SLC9A2: variants seen among roughly 807,000 people sequenced by gnomAD.
SLC9A2 encodes sodium/hydrogen exchanger 2.
In SLC9A2, 42 loss-of-function variants were observed where a neutral mutation model predicts 71.7. The ratio of observed to expected loss-of-function variants is 0.59; its 90% CI spans 0.46 to 0.76. The LOEUF (loss-of-function observed/expected upper bound fraction) is 0.76. Ranked by LOEUF, SLC9A2 falls within the 30% of genes least tolerant of loss-of-function variation. SLC9A2 has a pLI of 0.00. For missense variants in SLC9A2, 829 were observed against 1,017.4 expected (o/e 0.81, Z 2.52); for synonymous variants, 396 against 392.5 (o/e 1.01, Z -0.10).
At chr2:102,690,402 G>C (rs1244453029) in intron 5 of SLC9A2, among the ~76,000 whole-genome samples, 3 of 152,170 alleles carry the variant, frequency 2.0e-5, no homozygotes, top group Non-Finnish European at 2.9e-5. Flanking sequence ...GGGGAACAGA[G>C]AAATGAGGGG....
At chr2:102,658,060 G>A (rs751716851) in intron 2 of SLC9A2, 33 bp downstream of exon 2, 1 of 1,527,742 alleles carries the variant, frequency 6.5e-7, no homozygotes, top group African/African-American at 1.4e-5. Context: ...GACTCCAACA[G>A]GTGGGGGCTG....
chr2:102,655,720 T>C (rs1676926897), intron 1 of SLC9A2, among the ~76,000 whole-genome samples: 1 of 152,246 alleles, frequency 6.6e-6, no homozygotes, highest in Non-Finnish European at 1.5e-5. Context: ...ATTTCTGTCC[T>C]ACTCTGTTCC....
intron 1 of SLC9A2, among the ~76,000 whole-genome samples, chr2:102,649,128 A>G (rs1318179274): frequency 6.6e-6 from 1 of 152,240 alleles, no homozygotes; most frequent in Non-Finnish European, 1.5e-5. Context: ...AAATAGGTAT[A>G]TAAACCAATG....
intron 3 of SLC9A2, among the ~76,000 whole-genome samples, chr2:102,680,676 C>T (rs1264184748): frequency 6.6e-6 from 1 of 152,114 alleles, no homozygotes; most frequent in Non-Finnish European, 1.5e-5. Flanking sequence ...AAAGATGTCC[C>T]CAAAGATGTC....
chr2:102,639,544 T>G (rs1342809682), intron 1 of SLC9A2, among the ~76,000 whole-genome samples: 1 of 152,218 alleles, frequency 6.6e-6, no homozygotes, highest in Non-Finnish European at 1.5e-5. Flanking sequence ...TTCTCCGAGT[T>G]GGTTTAGCAG....
In SLC9A2 at chr2:102,710,791, G is replaced by A. The variant is rs942548052; in HGVS notation, c.*2302G>A. 8.5e-5 allele frequency: 13 copies of A among 152,242 alleles called. No individual in the cohort carries two copies. The highest frequency in any genetic ancestry group is 3.1e-4 in the African/African-American group (13 of 41,432). 9.4% of individuals were successfully genotyped at this position (152,242 alleles called of 1,614,324 possible). A position where few individuals can be genotyped will look rare whatever the true frequency, so the allele number is the denominator to read the frequency against. ...CTAAATTTCTGTAGTAGAGAGAGCCGTAGCCCTTTGTAAAGGCTTTCGTTC... is the reference window on the plus strand; with the variant it reads ...CTAAATTTCTGTAGTAGAGAGAGCCATAGCCCTTTGTAAAGGCTTTCGTTC... On this transcript the variant is annotated 3_prime_UTR_variant, in exon 12 of 12. Coordinates refer to ENST00000233969, the MANE Select transcript of SLC9A2 (RefSeq NM_003048.6).
chr2:102,694,293 A>G, intron 5 of SLC9A2, 121 bp from the exon 6 acceptor site: 1 of 271,518 alleles, frequency 3.7e-6, no homozygotes. Context: ...AAAGCTTAGG[A>G]GAAGTTACCC....
chr2:102,669,349 A>G (rs886677454), intron 3 of SLC9A2, among the ~76,000 whole-genome samples: 1 of 152,214 alleles, frequency 6.6e-6, no homozygotes, highest in Admixed American at 6.5e-5. Flanking sequence ...TTAGACTCAA[A>G]CACTAATAAG....
chr2:102,632,233 AT>A (rs1452874789), intron 1 of SLC9A2, among the ~76,000 whole-genome samples: 1 of 141,074 alleles, frequency 7.1e-6, no homozygotes, highest in East Asian at 2.0e-4. Context: ...TATTATATAT[AT>A]AATACATATA....
intron 1 of SLC9A2, among the ~76,000 whole-genome samples, chr2:102,638,558 G>A (rs1573401344): frequency 6.6e-6 from 1 of 152,226 alleles, no homozygotes; most frequent in African/African-American, 2.4e-5. Flanking sequence ...GTCTGTGAAA[G>A]GTAAACTCTG....
intron 1 of SLC9A2, among the ~76,000 whole-genome samples, chr2:102,641,017 C>T (rs80285302): frequency 0.018 from 2,810 of 152,280 alleles, 69 homozygotes; most frequent in African/African-American, 0.057. Flanking sequence ...GTTTTAGGGG[C>T]TCTGTGCCAG....
chr2:102,691,671 C>G (rs1677665154), intron 5 of SLC9A2, among the ~76,000 whole-genome samples: 1 of 152,134 alleles, frequency 6.6e-6, no homozygotes, highest in South Asian at 2.1e-4. Flanking sequence ...ACTGTATATA[C>G]AAAAACATAT....
chr2:102,651,926 T>C (rs1676842209), intron 1 of SLC9A2, among the ~76,000 whole-genome samples: 3 of 122,942 alleles, frequency 2.4e-5, no homozygotes, highest in African/African-American at 6.3e-5. Context: ...CTGCAAAAGA[T>C]AAGGGTTTTT....
chr2:102,674,718 G>A (rs1677317654), intron 3 of SLC9A2, among the ~76,000 whole-genome samples: 2 of 152,202 alleles, frequency 1.3e-5, no homozygotes, highest in Non-Finnish European at 2.9e-5. Flanking sequence ...AGAAAGGAGG[G>A]ATTTCCTGGC....
chr2:102,643,262 C>T (rs1676646543), intron 1 of SLC9A2, among the ~76,000 whole-genome samples: 1 of 152,192 alleles, frequency 6.6e-6, no homozygotes, highest in African/African-American at 2.4e-5. Flanking sequence ...AATCCCTCTT[C>T]TGCCCTTTTC....
At chr2:102,691,801 G>A (rs546084480) in intron 5 of SLC9A2, among the ~76,000 whole-genome samples, 33 of 152,210 alleles carry the variant, frequency 2.2e-4, no homozygotes, top group South Asian at 1.2e-3. Context: ...TTATGGTAGC[G>A]CATTCACTTC....
intron 3 of SLC9A2, among the ~76,000 whole-genome samples, chr2:102,674,104 A>G (rs1218862031): frequency 6.6e-6 from 1 of 152,120 alleles, no homozygotes; most frequent in Non-Finnish European, 1.5e-5. Flanking sequence ...TTCTTTTTTA[A>G]TAAAAATATT....
rs544901003 is a variant in SLC9A2 at position 102,679,131 on chromosome 2, T to C, written c.1005-4130T>C. On this transcript the variant is annotated intron_variant, in intron 3 of 11. Coordinates refer to ENST00000233969, the MANE Select transcript of SLC9A2 (RefSeq NM_003048.6). ...CTCAGGTGCCTCAGTGCCACAGACA[T>C]GCACACACTCCCTGAACAGGACACT... is the stretch of plus-strand genomic sequence containing the variant. Among the ~76,000 whole-genome samples, 11 of 152,240 alleles carry C rather than the reference T, an allele frequency of 7.2e-5. No homozygotes were observed. The East Asian group carries it at 1.9e-3, about 27-fold the overall frequency.
intron 7 of SLC9A2, among the ~76,000 whole-genome samples, chr2:102,699,682 C>A (rs571417263): frequency 1.3e-5 from 2 of 152,238 alleles, no homozygotes; most frequent in African/African-American, 2.4e-5. Flanking sequence ...CTGCCATAAC[C>A]AAAGTACCAC....
Sources: allele counts gnomAD v4.1 joint callset (sites outside exome capture counted in the v4.1 genomes callset), GRCh38; gene constraint gnomAD v4.1.1; transcripts MANE v1.5; gene names NCBI Gene and HGNC (gene_info 2026-07-23, HGNC 2026-07-21).